CANX: variants seen among roughly 807,000 people sequenced by gnomAD.
The protein encoded by CANX is calnexin, also known as epididymis secretory sperm binding protein.
CANX carries 14 observed loss-of-function variants against 75.7 expected under a neutral mutation model. That is an observed-to-expected ratio of 0.19 (90% confidence interval 0.12 to 0.29). The LOEUF is 0.29. Ranked by LOEUF, CANX falls within the 10% of genes least tolerant of loss-of-function variation. The pLI is 1.00. For synonymous variants in CANX, 227 were observed against 236.9 expected, an observed-to-expected ratio of 0.96 and a Z score of 0.38; for missense variants, 567 against 713.2, an observed-to-expected ratio of 0.79 and a Z score of 2.34.
intron 13 of CANX, 73 bp from the exon 14 acceptor site, chr5:179,726,607 G>A: frequency 1.1e-6 from 1 of 930,094 alleles, no homozygotes; most frequent in Non-Finnish European, 1.7e-6. Context: ...TAGATCTAGA[G>A]ATGTGTTCTA....
Position 179,705,546 on chromosome 5 carries a change from A to G in CANX, c.-3-133A>G, listed in dbSNP as rs1777071754. ...CTCTCTAGGCTGCCTTTCTTTATCT[A>G]TGAAATGAAATAGTAAGTTCTTTTT... is the stretch of plus-strand genomic sequence containing the variant. On this transcript the variant is annotated intron_variant, in intron 1 of 14. Transcript: ENST00000247461. 46 of 686,694 alleles carry G rather than the reference A, an allele frequency of 6.7e-5. No homozygotes were observed. The East Asian group carries it at 1.1e-3, about 17-fold the overall frequency. 42.5% of individuals were successfully genotyped at this position (686,694 alleles called of 1,614,324 possible).
chr5:179,726,304 C>T (rs1046135086), intron 13 of CANX, among the ~76,000 whole-genome samples: 4 of 151,052 alleles, frequency 2.6e-5, no homozygotes, highest in African/African-American at 9.7e-5. Flanking sequence ...AGTGGCCGGG[C>T]GCGATGGCTC....
At chr5:179,723,489 A>G in intron 11 of CANX, 171 bp from the exon 12 acceptor site, 1 of 617,634 alleles carries the variant, frequency 1.6e-6, no homozygotes, top group Non-Finnish European at 2.7e-6. Flanking sequence ...TTATAAGGAG[A>G]GCAAGAGGAT....
intron 1 of CANX, among the ~76,000 whole-genome samples, chr5:179,680,240 C>T (rs1018630814): frequency 6.6e-6 from 1 of 152,088 alleles, no homozygotes; most frequent in Non-Finnish European, 1.5e-5. Flanking sequence ...GGCTCGGAAG[C>T]TTAGACTTCC....
chr5:179,679,266 C>T lies in CANX; in HGVS notation c.-4+489C>T, dbSNP rs956052889. On this transcript the variant is annotated intron_variant, in intron 1 of 14. Coordinates refer to the CANX transcript ENST00000681674. Reference sequence around the variant, plus strand: ...GATGAAGGCGAGCCAGGGGGCGCTGCTGGGAGACAAGAGTCCGGGTGAGCA... The same window carrying T: ...GATGAAGGCGAGCCAGGGGGCGCTGTTGGGAGACAAGAGTCCGGGTGAGCA... 4.6e-6 allele frequency: 7 copies of T among 1,520,348 alleles called. No homozygotes were observed. The East Asian group carries it at 9.8e-5, about 21-fold the overall frequency. 94.2% of individuals were successfully genotyped at this position (1,520,348 alleles called of 1,614,324 possible).
intron 1 of CANX, among the ~76,000 whole-genome samples, chr5:179,683,220 G>A (rs1043820653): frequency 6.6e-6 from 1 of 152,018 alleles, no homozygotes; most frequent in Admixed American, 6.6e-5. Flanking sequence ...CCTCCACTTC[G>A]AGGTTCACAC....
Position 179,723,235 on chromosome 5 carries a change from ATTAT to A in CANX, c.1398+219_1398+222del, listed in dbSNP as rs1299595375. Among the ~76,000 whole-genome samples the A allele has an allele frequency of 6.0e-5, 9 of 149,958 alleles. No homozygotes were observed. In the East Asian group the frequency reaches 1.4e-3, roughly 23 times the overall value. On this transcript the variant is annotated intron_variant, in intron 11 of 14. Coordinates refer to ENST00000247461, the MANE Select transcript of CANX (RefSeq NM_001746.4). ...TGTTTGTGTTCAGGGTTTTTTTTTTATTATTTGTCTGGGTATATATTTCGAAATT... is the reference window on the plus strand; with the variant it reads ...TGTTTGTGTTCAGGGTTTTTTTTTTATTGTCTGGGTATATATTTCGAAATT...
chr5:179,703,225 CTTTTT>C (rs545011653), intron 1 of CANX, among the ~76,000 whole-genome samples: 1 of 137,524 alleles, frequency 7.3e-6, no homozygotes, highest in Non-Finnish European at 1.6e-5. Context: ...GTGGTGGAGT[CTTTTT>C]TTTTTTTTTG....
chr5:179,680,356 C>T (rs1562426709), intron 1 of CANX, among the ~76,000 whole-genome samples: 1 of 152,050 alleles, frequency 6.6e-6, no homozygotes, highest in Non-Finnish European at 1.5e-5. Flanking sequence ...GCATTATTGC[C>T]CTCATCATTC....
In CANX at chr5:179,691,511, C is replaced by A. The variant is rs149352289; in HGVS notation, c.-4+12734C>A. On this transcript the variant is annotated intron_variant, in intron 1 of 14. Transcript: ENST00000681674. ...CCCTTTAAGCCCAGGAGTTTGAGACCAGCTTGGGCAACACAGGGAGATCCC... is the reference window on the plus strand; with the variant it reads ...CCCTTTAAGCCCAGGAGTTTGAGACAAGCTTGGGCAACACAGGGAGATCCC... Among the ~76,000 whole-genome samples the A allele has an allele frequency of 2.6e-3, 392 of 151,346 alleles. 4 individuals carry two copies. Among genetic ancestry groups the A allele is most frequent in the African/African-American group, 9.2e-3 (378 of 41,214 alleles).
chr5:179,710,156 C>T (rs1777439851), intron 7 of CANX, 91 bp downstream of exon 7: 1 of 793,880 alleles, frequency 1.3e-6, no homozygotes, highest in Non-Finnish European at 2.0e-6. Context: ...GGCACTGTGG[C>T]TCACGCCTGT....
chr5:179,707,152 A>G lies in CANX; in HGVS notation c.266A>G (p.Lys89Arg), dbSNP rs1777187482. ...TACAGGTGGATTTTATCCAAAGCCA[A>G]GAAAGACGATACCGATGATGAAATT... is the stretch of plus-strand genomic sequence containing the variant. The part of the protein sequence containing the change: ...TLSGWILSKA[K>R]KDDTDDEIAK... The change falls in exon 4 of 15, where the codon AAG becomes AGG. Residue 89 changes from lysine (K) to arginine (R), a missense_variant. This residue lies in a region of CANX where 351 missense variants were observed against 433.8 expected (regional missense o/e 0.81). Transcript: ENST00000247461. 6 of 1,602,052 alleles carry G rather than the reference A, an allele frequency of 3.7e-6. No homozygotes were observed. Among genetic ancestry groups the G allele is most frequent in the South Asian group, 2.2e-5 (2 of 90,828 alleles).
intron 14 of CANX, among the ~76,000 whole-genome samples, chr5:179,727,973 A>T (rs1182832513): frequency 6.6e-6 from 1 of 152,182 alleles, no homozygotes; most frequent in Non-Finnish European, 1.5e-5. Context: ...TTTCAGCTAC[A>T]ACTCTGCCTT....
intron 1 of CANX, chr5:179,678,981 T>TAC: frequency 6.5e-7 from 1 of 1,535,704 alleles, no homozygotes; most frequent in Non-Finnish European, 8.7e-7. Context: ...GCCTGGCGCG[T>TAC]GTTGTGGTCC....
intron 8 of CANX, among the ~76,000 whole-genome samples, chr5:179,718,066 A>G (rs1375450029): frequency 2.0e-5 from 3 of 151,866 alleles, no homozygotes; most frequent in Non-Finnish European, 4.4e-5. Flanking sequence ...GTACAGTGGT[A>G]CGGTCACGGC....
In CANX at chr5:179,724,870, A is replaced by C. The variant is rs1009265837; in HGVS notation, c.1645+87A>C. 8 of 1,490,548 alleles carry C rather than the reference A, an allele frequency of 5.4e-6. No individual in the cohort carries two copies. The African/African-American group carries it at 1.1e-4, about 21-fold the overall frequency. 92.3% of individuals were successfully genotyped at this position (1,490,548 alleles called of 1,614,324 possible). A position where few individuals can be genotyped will look rare whatever the true frequency, so the allele number is the denominator to read the frequency against. On this transcript the variant is annotated intron_variant, in intron 13 of 14. Coordinates refer to ENST00000247461, the MANE Select transcript of CANX (RefSeq NM_001746.4). ...TACAGTCAAGTTAAGGATTGTTTTT[A>C]GCCAGGCGTGGTGGCTCAAGCCTGT...
intron 1 of CANX, among the ~76,000 whole-genome samples, chr5:179,692,524 C>T (rs1292825646): frequency 6.6e-6 from 1 of 151,912 alleles, no homozygotes; most frequent in Non-Finnish European, 1.5e-5. Context: ...GAGCCCCTGT[C>T]TAATTATTTT....
chr5:179,709,855 C>T lies in CANX; in HGVS notation c.529-18C>T. 2 of 1,528,492 alleles carry T rather than the reference C, an allele frequency of 1.3e-6. No homozygotes were observed. Among genetic ancestry groups the T allele is most frequent in the South Asian group, 1.2e-5 (1 of 80,808 alleles). The allele number at this position is 1,528,492 out of a possible 1,614,324, so 94.7% of individuals were successfully genotyped here. On this transcript the variant is annotated intron_variant, in intron 6 of 14. Transcript: ENST00000247461. ...TTTGAGTACAGTGACTTCAAATAATCCTTTTTTGTTTTTGAAGGATCAGTT... is the reference window on the plus strand; with the variant it reads ...TTTGAGTACAGTGACTTCAAATAATTCTTTTTTGTTTTTGAAGGATCAGTT...
intron 1 of CANX, chr5:179,700,557 G>T (rs1223340005): frequency 1.3e-5 from 2 of 152,624 alleles, no homozygotes; most frequent in African/African-American, 4.8e-5. Context: ...GAGAATGCTC[G>T]AGTGAACTGT....
Sources: allele counts gnomAD v4.1 joint callset (sites outside exome capture counted in the v4.1 genomes callset), GRCh38; gene constraint gnomAD v4.1.1; regional missense constraint gnomAD v4.1.1; transcripts MANE v1.5; gene names NCBI Gene and HGNC (gene_info 2026-07-23, HGNC 2026-07-21).